N4BP2L2: variants seen among roughly 807,000 people sequenced by gnomAD.
The protein encoded by N4BP2L2 is NEDD4 binding protein 2 like 2.
Under a neutral mutation model 56.2 loss-of-function variants are expected in N4BP2L2, and 50 were observed. The observed-to-expected ratio is 0.89, with a 90% CI of 0.71 to 1.13. The LOEUF (loss-of-function observed/expected upper bound fraction) is 1.13, where lower values mean the gene tolerates loss of function less well. N4BP2L2 is among the 50% of genes most tolerant of loss of function. The pLI is 0.00. For synonymous variants in N4BP2L2, 203 were observed against 223.6 expected (o/e 0.91, Z 0.82); for missense variants, 689 against 693.8 (o/e 0.99, Z 0.08).
chr13:32,452,077 T>TG (rs1566043475), intron 6 of N4BP2L2, among the ~76,000 whole-genome samples: 23 of 150,920 alleles, frequency 1.5e-4, no homozygotes, highest in African/African-American at 5.4e-4. Flanking sequence ...TTTTTTTTTT[T>TG]TGGGATGGAG....
intron 6 of N4BP2L2, among the ~76,000 whole-genome samples, chr13:32,503,297 G>A (rs2090360209): frequency 6.6e-6 from 1 of 151,496 alleles, no homozygotes; most frequent in Non-Finnish European, 1.5e-5. Context: ...TCTTAAAGCT[G>A]CCAGCAGAAA....
intron 4 of N4BP2L2, 114 bp downstream of exon 4, chr13:32,522,068 T>C: frequency 1.4e-6 from 1 of 701,116 alleles, no homozygotes; most frequent in South Asian, 1.8e-5. Context: ...ACAAACCTCT[T>C]TAGAAAACAA....
chr13:32,517,806 T>C, exon 6 of N4BP2L2: 1 of 1,612,630 alleles, frequency 6.2e-7, no homozygotes, highest in Non-Finnish European at 8.5e-7. Context: ...GCTAATTTAA[T>C]GATTATTTGT....
intron 7 of N4BP2L2, among the ~76,000 whole-genome samples, chr13:32,441,362 C>T (rs189107659): frequency 4.5e-4 from 69 of 152,282 alleles, no homozygotes; most frequent in African/African-American, 1.5e-3. Context: ...GAAAGAGCCA[C>T]GTGTCAAACA....
chr13:32,446,285 G>A, intron 6 of N4BP2L2: 1 of 1,027,108 alleles, frequency 9.7e-7, no homozygotes, highest in Non-Finnish European at 1.4e-6. Flanking sequence ...CAGTTGTGAT[G>A]GGGCCTCTAT....
intron 3 of N4BP2L2, among the ~76,000 whole-genome samples, chr13:32,526,268 C>T (rs560903153): frequency 6.6e-6 from 1 of 152,218 alleles, no homozygotes; most frequent in African/African-American, 2.4e-5. Context: ...AAACAAAATG[C>T]ATTTTGAGGA....
rs567381297 is a variant in N4BP2L2 at position 32,517,953 on chromosome 13, C to T, written c.1601G>A (p.Arg534His). The change falls in exon 6 of 6, where the codon CGT (arginine) becomes CAT (histidine). Residue 534 changes from arginine to histidine, a missense_variant. By Grantham distance (29) the Arg-to-His change is conservative. Coordinates refer to ENST00000267068, the Ensembl canonical transcript of N4BP2L2. ...AGAAATGGACATTTGATATTCATAACGATCCAACATCTGAGCAATCTTCTT... is the reference window on the plus strand; with the variant it reads ...AGAAATGGACATTTGATATTCATAATGATCCAACATCTGAGCAATCTTCTT... 31 of 1,613,956 alleles carry T rather than the reference C, an allele frequency of 1.9e-5. No individual in the cohort carries two copies. The South Asian group carries it at 2.3e-4, about 12-fold the overall frequency.
chr13:32,519,699 C>G (rs148098882), intron 5 of N4BP2L2, among the ~76,000 whole-genome samples: 12 of 151,944 alleles, frequency 7.9e-5, no homozygotes, highest in South Asian at 4.2e-4. Context: ...GCCTGGGTGA[C>G]AGCAGTAGAC....
At chr13:32,510,491 C>T (rs1483958344) in exon 6 of N4BP2L2, 2 of 148,454 alleles carry the variant, frequency 1.3e-5, no homozygotes, top group African/African-American at 5.0e-5. Flanking sequence ...AGTATAAACT[C>T]TATCAATTTT....
At chr13:32,439,106 A>G in intron 7 of N4BP2L2, among the ~76,000 whole-genome samples, 1 of 152,226 alleles carries the variant, frequency 6.6e-6, no homozygotes, top group East Asian at 1.9e-4. Flanking sequence ...TTCAAGCTAC[A>G]TTCTTTTTCC....
intron 8 of N4BP2L2, among the ~76,000 whole-genome samples, chr13:32,437,209 T>G (rs1189538806): frequency 6.6e-6 from 1 of 152,158 alleles, no homozygotes; most frequent in African/African-American, 2.4e-5. Context: ...ACATTTAAAA[T>G]ATTGCTCTGT....
At chr13:32,472,602 G>A (rs2082522871) in intron 6 of N4BP2L2, among the ~76,000 whole-genome samples, 1 of 152,130 alleles carries the variant, frequency 6.6e-6, no homozygotes, top group African/African-American at 2.4e-5. Flanking sequence ...ATGCCACCTG[G>A]CCTAGAGCTC....
chr13:32,440,808 GT>G (rs1396346137), intron 7 of N4BP2L2, among the ~76,000 whole-genome samples: 1 of 149,668 alleles, frequency 6.7e-6, no homozygotes, highest in Non-Finnish European at 1.5e-5. Flanking sequence ...ATTTTTGCTC[GT>G]TTTATTCACA....
intron 6 of N4BP2L2, among the ~76,000 whole-genome samples, chr13:32,494,622 C>T (rs1229653749): frequency 2.6e-5 from 4 of 150,986 alleles, no homozygotes; most frequent in African/African-American, 9.7e-5. Flanking sequence ...AAAAATTAGC[C>T]GGGCATGGTG....
chr13:32,441,084 A>T (rs192963914), intron 7 of N4BP2L2, among the ~76,000 whole-genome samples: 57 of 152,088 alleles, frequency 3.7e-4, no homozygotes, highest in African/African-American at 1.3e-3. Context: ...CAAACTCCTG[A>T]CCTCAAGCAA....
chr13:32,438,679 G>A, exon 8 of N4BP2L2: 1 of 1,609,568 alleles, frequency 6.2e-7, no homozygotes, highest in Non-Finnish European at 8.5e-7. Context: ...ATTGCAAGTA[G>A]ATCATCTTTA....
intron 6 of N4BP2L2, among the ~76,000 whole-genome samples, chr13:32,464,818 T>C (rs2080918114): frequency 6.6e-6 from 1 of 152,074 alleles, no homozygotes; most frequent in African/African-American, 2.4e-5. Context: ...GGCATACAAA[T>C]GGTCCAAAAT....
exon 6 of N4BP2L2, chr13:32,511,909 C>A (rs1566151712): frequency 6.6e-6 from 1 of 152,020 alleles, no homozygotes; most frequent in African/African-American, 2.4e-5. Context: ...AGTAAATTTT[C>A]TTTCATTTTG....
intron 7 of N4BP2L2, among the ~76,000 whole-genome samples, chr13:32,441,871 G>A (rs1566016495): frequency 6.7e-6 from 1 of 148,184 alleles, no homozygotes; most frequent in African/African-American, 2.5e-5. Flanking sequence ...GTGAAACCTC[G>A]TCTCTACTAA....
Sources: gnomAD v4.1 joint callset for allele counts (sites outside exome capture counted in the v4.1 genomes callset) on GRCh38, gnomAD v4.1.1 for gene constraint, MANE v1.5 for transcripts, NCBI Gene and HGNC (gene_info 2026-07-23, HGNC 2026-07-21) for gene names.